Variants in CD244 observed in about 807,000 individuals in gnomAD.
CD244 encodes the protein CD244 molecule.
In CD244, 20 loss-of-function variants were observed where a neutral mutation model predicts 45.5. The observed-to-expected ratio is 0.44, with a 90% CI of 0.31 to 0.64. CD244 has a LOEUF of 0.64. CD244 is among the 30% of genes least tolerant of loss of function. CD244 has a pLI of 0.08. For synonymous variants in CD244, 185 were observed against 160.5 expected (o/e 1.15, Z -1.15); for missense variants, 407 against 426.9 (o/e 0.95, Z 0.41).
chr1:160,846,648 A>T (rs1391903252), intron 1 of CD244, among the ~76,000 whole-genome samples: 1 of 152,242 alleles, frequency 6.6e-6, no homozygotes, highest in Non-Finnish European at 1.5e-5. Context: ...CCTGGGTGAC[A>T]AAGTGAGACT....
Position 160,846,147 on chromosome 1 carries a change from C to G in CD244, c.62-4246G>C, listed in dbSNP as rs551064697. 8.6e-5 allele frequency among the ~76,000 whole-genome samples: 13 copies of G among 151,904 alleles called. 1 individual carries two copies. In the South Asian group the frequency reaches 1.5e-3, roughly 17 times the overall value. On this transcript the variant is annotated intron_variant, in intron 1 of 8. Transcript: ENST00000368034. ...AGAGGTGATTTGTGAGTCGGTGCAC[C>G]CATCACCCGAGCAGTATACACTGCA...
chr1:160,856,413 C>A (rs978436722), intron 1 of CD244, among the ~76,000 whole-genome samples: 6 of 152,168 alleles, frequency 3.9e-5, no homozygotes, highest in Non-Finnish European at 8.8e-5. Context: ...ATCTCCCTTT[C>A]CTGTTTCCCA....
chr1:160,847,819 A>T (rs1316000986), intron 1 of CD244, among the ~76,000 whole-genome samples: 1 of 152,256 alleles, frequency 6.6e-6, no homozygotes, highest in Non-Finnish European at 1.5e-5. Flanking sequence ...AATGATGATG[A>T]TGATGATAAT....
intron 1 of CD244, among the ~76,000 whole-genome samples, chr1:160,852,336 G>C (rs1031924462): frequency 2.0e-5 from 3 of 152,102 alleles, no homozygotes; most frequent in African/African-American, 7.2e-5. Flanking sequence ...GATCGCTTGA[G>C]GCCAGGAGTT....
At chr1:160,848,102 A>G in intron 1 of CD244, 1 of 404,392 alleles carries the variant, frequency 2.5e-6, no homozygotes, top group Non-Finnish European at 4.8e-6. Context: ...AGTTCCAAAG[A>G]CAGCAGAAAA....
Position 160,832,782 on chromosome 1 carries a change from T to C in CD244, c.961-207A>G. 3 of 1,036,400 alleles carry C rather than the reference T, an allele frequency of 2.9e-6. No individual in the cohort carries two copies. In the South Asian group the frequency reaches 4.1e-5, roughly 14 times the overall value. The allele number at this position is 1,036,400 out of a possible 1,614,324, so 64.2% of individuals were successfully genotyped here. A position where few individuals can be genotyped will look rare whatever the true frequency, so the allele number is the denominator to read the frequency against. The stretch of plus-strand genomic sequence containing the variant: ...AGACACAATATATACAGTATTTGCC[T>C]ATAATATGATATTTCTGAACCAAAA... On this transcript the variant is annotated intron_variant, in intron 7 of 8. Coordinates refer to ENST00000368034, the MANE Select transcript of CD244 (RefSeq NM_016382.4).
chr1:160,841,400 G>C lies in CD244; in HGVS notation c.465C>G (p.Ser155=). The change falls in exon 3 of 9, where the codon TCC becomes TCG. Residue 155 remains serine (S), a synonymous_variant. Coordinates refer to ENST00000368034, the MANE Select transcript of CD244 (RefSeq NM_016382.4). ...AAGCATAGGACACATTGCCATCCCT[G>C]GAGACCAAGCAAGACAGAGCCACTT... The part of the protein sequence containing the change: ...RCQVALSCLV[S]RDGNVSYAWY... 6.2e-7 allele frequency: 1 copy of C among 1,614,162 alleles called. No homozygotes were observed. Among genetic ancestry groups the C allele is most frequent in the African/African-American group, 1.3e-5 (1 of 75,024 alleles).
At chr1:160,851,243 G>T (rs902816097) in intron 1 of CD244, among the ~76,000 whole-genome samples, 1 of 152,208 alleles carries the variant, frequency 6.6e-6, no homozygotes, top group African/African-American at 2.4e-5. Context: ...GACGGGCTCA[G>T]AGTCCAATAT....
At chr1:160,844,079 A>C (rs1293935076) in intron 1 of CD244, among the ~76,000 whole-genome samples, 1 of 152,258 alleles carries the variant, frequency 6.6e-6, no homozygotes, top group East Asian at 1.9e-4. Flanking sequence ...CCTGGATTGA[A>C]CTAATGATCT....
chr1:160,846,234 C>G (rs1669732448), intron 1 of CD244, among the ~76,000 whole-genome samples: 1 of 151,892 alleles, frequency 6.6e-6, no homozygotes, highest in Non-Finnish European at 1.5e-5. Context: ...TCACCAAAGT[C>G]CACTGTATCA....
chr1:160,844,118 C>T (rs1669641563), intron 1 of CD244, among the ~76,000 whole-genome samples: 1 of 152,112 alleles, frequency 6.6e-6, no homozygotes, highest in South Asian at 2.1e-4. Flanking sequence ...AACCTGGCTG[C>T]CAACTAGAGG....
In CD244 at chr1:160,862,599, C is replaced by G. The variant is rs369932468; in HGVS notation, c.61+18G>C. 170 of 1,610,918 alleles carry G rather than the reference C, an allele frequency of 1.1e-4. No individual in the cohort carries two copies. Among genetic ancestry groups the G allele is most frequent in the Non-Finnish European group, 1.4e-4 (168 of 1,177,412 alleles). ...TCCTAGTCCCTCCCTCGCCCCACGC[C>G]AGGTAGGACCTCCTTACCTTTGCCC... is the stretch of plus-strand genomic sequence containing the variant. On this transcript the variant is annotated intron_variant, in intron 1 of 8. Coordinates refer to ENST00000368034, the MANE Select transcript of CD244 (RefSeq NM_016382.4).
chr1:160,848,595 T>G (rs1211737884), intron 1 of CD244: 1 of 362,856 alleles, frequency 2.8e-6, no homozygotes, highest in East Asian at 6.9e-5. Context: ...AAGAAGAATC[T>G]GAACAGACAG....
At chr1:160,848,644 A>C in intron 1 of CD244, 1 of 323,830 alleles carries the variant, frequency 3.1e-6, no homozygotes, top group South Asian at 2.8e-5. Context: ...TTAGTATGGA[A>C]TCATACCCTT....
intron 5 of CD244, 130 bp downstream of exon 5, chr1:160,838,321 G>C: frequency 1.3e-6 from 1 of 745,390 alleles, no homozygotes; most frequent in Non-Finnish European, 2.4e-6. Context: ...AAGATAGATG[G>C]GGAAGGGCTG....
At chr1:160,842,854 G>T (rs1162270593) in intron 1 of CD244, among the ~76,000 whole-genome samples, 2 of 152,196 alleles carry the variant, frequency 1.3e-5, no homozygotes, top group Non-Finnish European at 2.9e-5. Flanking sequence ...ATTCTGTGCA[G>T]TCAGTGTACA....
At chr1:160,835,841 G>A (rs1669313544) in intron 6 of CD244, among the ~76,000 whole-genome samples, 1 of 152,154 alleles carries the variant, frequency 6.6e-6, no homozygotes, top group African/African-American at 2.4e-5. Context: ...ATATAATAGG[G>A]AATAGGGATA....
At chr1:160,853,551 C>T (rs1669992963) in intron 1 of CD244, among the ~76,000 whole-genome samples, 2 of 152,116 alleles carry the variant, frequency 1.3e-5, no homozygotes, top group South Asian at 4.1e-4. Flanking sequence ...GTAATGACTA[C>T]CTCTCACTCA....
rs755677882 is a variant in CD244, at chr1:160,832,592, T to C, written c.961-17A>G. ...GGATCCAGACTAGAAATTCAGAAGG[T>C]AAAGAATACTTAACTTCGAGATAAG... On this transcript the variant is annotated splice_polypyrimidine_tract_variant and intron_variant, in intron 7 of 8. Transcript: ENST00000368034. 6.2e-7 allele frequency: 1 copy of C among 1,612,290 alleles called. No homozygotes were observed. Among genetic ancestry groups the C allele is most frequent in the Admixed American group, 1.7e-5 (1 of 59,880 alleles).
Sources: gnomAD v4.1 joint callset for allele counts (sites outside exome capture counted in the v4.1 genomes callset) on GRCh38, gnomAD v4.1.1 for gene constraint, MANE v1.5 for transcripts, NCBI Gene and HGNC (gene_info 2026-07-23, HGNC 2026-07-21) for gene names.